Variants in ZNF124 observed in about 807,000 individuals in gnomAD.
ZNF124 encodes the protein zinc finger protein HZF-16.
A neutral mutation model predicts 26.6 loss-of-function variants in ZNF124; 25 were observed. That is an observed-to-expected ratio of 0.94 (90% confidence interval 0.68 to 1.31). The LOEUF is 1.31. Ranked by LOEUF, ZNF124 falls within the 40% of genes most tolerant of loss-of-function variation. ZNF124 has a pLI of 0.00. For synonymous variants in ZNF124, 129 were observed against 133.3 expected (o/e 0.97, Z 0.22); for missense variants, 444 against 422.2 (o/e 1.05, Z -0.45).
In ZNF124 at chr1:247,156,833, T is replaced by C; in HGVS notation, c.789A>G (p.Pro263=). Residue 263 remains proline (P), a synonymous_variant, in exon 4 of 4, where the codon CCA becomes CCG. Coordinates refer to ENST00000543802, the MANE Select transcript of ZNF124 (RefSeq NM_001297568.2). ...TGAAGGCTTTCCCACATTGCTTACA[T>C]GGATAGGGTTCTTCACCAGCATGAG... ...IKAHAGEEPY[P]CKQCGKAFRY... 6.2e-7 allele frequency: 1 copy of C among 1,614,190 alleles called. No individual in the cohort carries two copies. The highest frequency in any genetic ancestry group is 8.5e-7 in the Non-Finnish European group (1 of 1,180,022).
At chr1:247,149,484 G>A (rs1036292306) in intron 3 of ZNF124, among the ~76,000 whole-genome samples, 1 of 152,128 alleles carries the variant, frequency 6.6e-6, no homozygotes, top group African/African-American at 2.4e-5. Flanking sequence ...CAGAAATTGT[G>A]ATACACACAC....
intron 2 of ZNF124, 127 bp downstream of exon 2, chr1:247,159,560 A>T: frequency 1.1e-6 from 1 of 910,512 alleles, no homozygotes; most frequent in South Asian, 1.7e-5. Context: ...GTCATTGCAC[A>T]CTGGGTCCAT....
intron 3 of ZNF124, among the ~76,000 whole-genome samples, chr1:247,143,759 G>A (rs10802471): frequency 0.18 from 27,640 of 152,140 alleles, 2,719 homozygotes; most frequent in Middle Eastern, 0.31. Flanking sequence ...GATAAGATTC[G>A]TCTCTAGATG....
At chr1:247,172,202 C>T (rs957225172), upstream of ZNF124, 3 of 146,464 alleles carry the variant, frequency 2.0e-5, no homozygotes, top group Non-Finnish European at 4.5e-5. Context: ...AAGAGGGTTT[C>T]CTCTCTGGGT....
intron 3 of ZNF124, among the ~76,000 whole-genome samples, chr1:247,128,106 T>C (rs1672255845): frequency 6.6e-6 from 1 of 152,098 alleles, no homozygotes; most frequent in South Asian, 2.1e-4. Flanking sequence ...CTTTCCAATT[T>C]ACAACATTAT....
rs557226169 is a variant in ZNF124 at position 247,145,026 on chromosome 1, G to A, written c.218+13980C>T. On this transcript the variant is annotated intron_variant, in intron 3 of 3. Transcript: ENST00000472531. ...CCTGACCTTGTGATCCACCCGCCTCGGCCTCCCAAAGTGCTGGGATTACAG... is the reference window on the plus strand; with the variant it reads ...CCTGACCTTGTGATCCACCCGCCTCAGCCTCCCAAAGTGCTGGGATTACAG... Among the ~76,000 whole-genome samples, 25 of 152,152 alleles carry A rather than the reference G, an allele frequency of 1.6e-4. No individual in the cohort carries two copies. In the South Asian group the frequency reaches 5.2e-3, roughly 32 times the overall value.
Position 247,155,011 on chromosome 1 carries a change from T to C in ZNF124, c.*1555A>G, listed in dbSNP as rs1041326000. ...TTCTCAACCTGCTTTAAGGAATTTATTTTAAAAACCCTCAGCTAACATCAT... is the reference window on the plus strand; with the variant it reads ...TTCTCAACCTGCTTTAAGGAATTTACTTTAAAAACCCTCAGCTAACATCAT... On this transcript the variant is annotated 3_prime_UTR_variant, in exon 4 of 4. Transcript: ENST00000543802. 6.6e-6 allele frequency among the ~76,000 whole-genome samples: 1 copy of C among 152,220 alleles called. No individual in the cohort carries two copies. The highest frequency in any genetic ancestry group is 2.4e-5 in the African/African-American group (1 of 41,454).
intron 3 of ZNF124, among the ~76,000 whole-genome samples, chr1:247,125,430 CTTTTTTTTTTTTTTTTTTTT>C (rs71566695): frequency 4.6e-5 from 2 of 43,296 alleles, no homozygotes; most frequent in South Asian, 1.7e-3. Context: ...CTGTTTTTGT[CTTTTTTTTTTTTTTTTTTTT>C]TTTTTTTTTT....
At chr1:247,130,773 T>G (rs1427453431) in intron 3 of ZNF124, among the ~76,000 whole-genome samples, 2 of 152,186 alleles carry the variant, frequency 1.3e-5, no homozygotes. Context: ...CACTGAGTAT[T>G]TTTTCATTTG....
exon 4 of ZNF124, chr1:247,122,919 T>C (rs895645017): frequency 2.6e-5 from 4 of 152,226 alleles, no homozygotes; most frequent in South Asian, 2.1e-4. Context: ...AATGGACTTC[T>C]GTAAATTAAA....
chr1:247,147,625 T>A (rs1346849094), intron 3 of ZNF124, among the ~76,000 whole-genome samples: 1 of 152,200 alleles, frequency 6.6e-6, no homozygotes, highest in Non-Finnish European at 1.5e-5. Flanking sequence ...GACACCTCTG[T>A]CTTTGCAGCT....
chr1:247,125,057 C>T (rs894793940), intron 3 of ZNF124, among the ~76,000 whole-genome samples: 1 of 152,144 alleles, frequency 6.6e-6, no homozygotes, highest in Non-Finnish European at 1.5e-5. Flanking sequence ...CCTGCCTACG[C>T]CTCCCAAAGT....
At chr1:247,146,231 C>T (rs1470022263) in intron 3 of ZNF124, among the ~76,000 whole-genome samples, 4 of 152,190 alleles carry the variant, frequency 2.6e-5, no homozygotes, top group Admixed American at 6.5e-5. Context: ...CCCCATAGAG[C>T]CAGAAGCTTT....
intron 3 of ZNF124, among the ~76,000 whole-genome samples, chr1:247,124,971 A>AT (rs1672172679): frequency 6.6e-6 from 1 of 151,458 alleles, no homozygotes; most frequent in East Asian, 1.9e-4. Flanking sequence ...CTATTTTTTT[A>AT]TTTTTTTGCA....
At chr1:247,158,327 A>G (rs563506362) in intron 3 of ZNF124, among the ~76,000 whole-genome samples, 1 of 152,114 alleles carries the variant, frequency 6.6e-6, no homozygotes, top group South Asian at 2.1e-4. Flanking sequence ...TTCTCTCCCC[A>G]TGTGACATGT....
downstream of ZNF124, among the ~76,000 whole-genome samples, chr1:247,154,171 C>T (rs1479343076): frequency 6.6e-6 from 1 of 152,136 alleles, no homozygotes; most frequent in Non-Finnish European, 1.5e-5. Flanking sequence ...CCAAATCTCA[C>T]CTTGACTTGT....
chr1:247,132,490 C>A lies in ZNF124; in HGVS notation c.219-8619G>T, dbSNP rs76449666. On this transcript the variant is annotated intron_variant, in intron 3 of 3. Coordinates refer to the ZNF124 transcript ENST00000472531. ...TCAGAAGATGGCTAATAAAAAACTA[C>A]AATGAACTAAAGGAACATGTTCTAA... 5.8e-3 allele frequency among the ~76,000 whole-genome samples: 888 copies of A among 152,244 alleles called. 13 individuals are homozygous for A. Among genetic ancestry groups the A allele is most frequent in the African/African-American group, 0.02 (819 of 41,540 alleles).
At chr1:247,138,034 G>C (rs532784617) in intron 3 of ZNF124, 4 of 152,318 alleles carry the variant, frequency 2.6e-5, no homozygotes, top group African/African-American at 9.6e-5. Context: ...AACCATTGTG[G>C]AAGACAGTGT....
At position 247,168,671 on chromosome 1, in the gene ZNF124, C is replaced by T. The variant is rs1369909000; in HGVS notation, c.30+3177G>A. On this transcript the variant is annotated intron_variant, in intron 1 of 3. Coordinates refer to ENST00000543802, the MANE Select transcript of ZNF124 (RefSeq NM_001297568.2). This position sits in a 1 kb window ranked among gnomAD's most constrained non-coding sequence, Gnocchi z 4.0. ...AAAGAAAATGTGGTGGAATACTACT[C>T]AGCCATAAAAAGGAATGAAATAATG... Among the ~76,000 whole-genome samples the T allele has an allele frequency of 6.6e-6, 1 of 152,196 alleles. No homozygotes were observed. Among genetic ancestry groups the T allele is most frequent in the Non-Finnish European group, 1.5e-5 (1 of 68,040 alleles).
Sources: allele counts gnomAD v4.1 joint callset (sites outside exome capture counted in the v4.1 genomes callset), GRCh38; gene constraint gnomAD v4.1.1; non-coding constraint Gnocchi (gnomAD v3.1); transcripts MANE v1.5; gene names NCBI Gene and HGNC (gene_info 2026-07-23, HGNC 2026-07-21).